KCNMA1: variants seen among roughly 807,000 people sequenced by gnomAD.
KCNMA1 encodes potassium calcium-activated channel subfamily M alpha 1.
In KCNMA1, 29 loss-of-function variants were observed where a neutral mutation model predicts 140.0. The ratio of observed to expected loss-of-function variants is 0.21; its 90% CI spans 0.15 to 0.28. KCNMA1 has a LOEUF of 0.28. KCNMA1 is among the 10% of genes least tolerant of loss of function. The pLI, the probability that KCNMA1 is intolerant of heterozygous loss-of-function variation, is 1.00. For synonymous variants in KCNMA1, 612 were observed against 611.9 expected (o/e 1.00, Z 0.00); for missense variants, 880 against 1,602.2 (o/e 0.55, Z 7.70).
downstream of KCNMA1, among the ~76,000 whole-genome samples, chr10:76,880,000 T>A (rs1006567623): frequency 6.6e-6 from 1 of 152,164 alleles, no homozygotes; most frequent in Non-Finnish European, 1.5e-5. Flanking sequence ...GTTTTGGCCA[T>A]GCTGTTATGC....
chr10:77,336,463 G>GA (rs879919734), intron 2 of KCNMA1, among the ~76,000 whole-genome samples: 133 of 143,850 alleles, frequency 9.2e-4, no homozygotes, highest in Middle Eastern at 3.5e-3. Context: ...TGCAAAGAAA[G>GA]AAAAAAAAAA....
chr10:76,986,516 G>T (rs1482737593), intron 19 of KCNMA1, among the ~76,000 whole-genome samples: 1 of 152,198 alleles, frequency 6.6e-6, no homozygotes, highest in East Asian at 1.9e-4. Flanking sequence ...GAGAGACAGG[G>T]TTTCCAGGAG....
chr10:77,319,873 T>A (rs958148859), intron 2 of KCNMA1, among the ~76,000 whole-genome samples: 2 of 152,216 alleles, frequency 1.3e-5, no homozygotes, highest in South Asian at 4.1e-4. Flanking sequence ...ATGACTGATA[T>A]ATACTGTATT....
intron 23 of KCNMA1, among the ~76,000 whole-genome samples, chr10:76,943,665 G>A (rs1464377565): frequency 6.6e-6 from 1 of 152,150 alleles, no homozygotes; most frequent in East Asian, 1.9e-4. Context: ...GCTGACTCTA[G>A]CCCAGAGCCA....
downstream of KCNMA1, chr10:76,874,852 G>A (rs958700829): frequency 1.3e-5 from 2 of 152,168 alleles, no homozygotes; most frequent in African/African-American, 2.4e-5. Context: ...AAGGAGAAAG[G>A]TTATGATGGT....
intron 5 of KCNMA1, among the ~76,000 whole-genome samples, chr10:77,171,392 TGTGTGTGC>T (rs71751356): frequency 0.083 from 9,175 of 110,928 alleles, 340 homozygotes; most frequent in Middle Eastern, 0.15. Flanking sequence ...TGTGCGTGTG[TGTGTGTGC>T]GTGTGTGTGT....
chr10:76,923,171 C>A (rs2056496076), intron 23 of KCNMA1, among the ~76,000 whole-genome samples: 1 of 152,180 alleles, frequency 6.6e-6, no homozygotes, highest in Non-Finnish European at 1.5e-5. Flanking sequence ...CAAAACTTCT[C>A]TATAGTTATT....
chr10:77,154,869 G>A (rs2098464897), intron 5 of KCNMA1, among the ~76,000 whole-genome samples: 5 of 152,240 alleles, frequency 3.3e-5, no homozygotes, highest in Admixed American at 3.3e-4. Flanking sequence ...GCAAATGCTT[G>A]TATAAATTGC....
chr10:76,934,957 A>C (rs1204148108), intron 23 of KCNMA1, among the ~76,000 whole-genome samples: 1 of 152,214 alleles, frequency 6.6e-6, no homozygotes, highest in African/African-American at 2.4e-5. Flanking sequence ...AGTAACAGCT[A>C]GGTCTCAAAT....
chr10:77,000,747 C>T (rs923854762), intron 19 of KCNMA1, among the ~76,000 whole-genome samples: 1 of 151,326 alleles, frequency 6.6e-6, no homozygotes, highest in African/African-American at 2.4e-5. Context: ...GCTCTGTAAT[C>T]CACTAGCCCA....
intron 1 of KCNMA1, among the ~76,000 whole-genome samples, chr10:77,487,526 A>G (rs1396932626): frequency 6.6e-6 from 1 of 152,184 alleles, no homozygotes; most frequent in Non-Finnish European, 1.5e-5. Context: ...AACACTGCAC[A>G]TTCCCCTTAC....
chr10:77,157,978 A>G (rs1256698617), intron 5 of KCNMA1, among the ~76,000 whole-genome samples: 3 of 152,182 alleles, frequency 2.0e-5, no homozygotes, highest in African/African-American at 7.2e-5. Flanking sequence ...CAGGGAGGGA[A>G]GTAGCAAAGA....
chr10:77,058,403 C>T (rs761330784), intron 14 of KCNMA1, among the ~76,000 whole-genome samples: 5 of 151,926 alleles, frequency 3.3e-5, no homozygotes, highest in Non-Finnish European at 4.4e-5. Context: ...CACCATTAGC[C>T]GACTAGTAAT....
At chr10:76,914,151 G>C in intron 24 of KCNMA1, 1 of 1,539,824 alleles carries the variant, frequency 6.5e-7, no homozygotes, top group Non-Finnish European at 8.8e-7. Context: ...ATTGGATACA[G>C]CATTTAAGGG....
intron 3 of KCNMA1, among the ~76,000 whole-genome samples, chr10:77,196,327 CT>C (rs2040465560): frequency 6.6e-6 from 1 of 152,112 alleles, no homozygotes; most frequent in South Asian, 2.1e-4. Context: ...GGTCTCTGTA[CT>C]GAAGAATCTC....
chr10:76,951,305 G>A (rs2066179006), intron 21 of KCNMA1, among the ~76,000 whole-genome samples: 1 of 152,096 alleles, frequency 6.6e-6, no homozygotes, highest in South Asian at 2.1e-4. Context: ...GTCTGATTTT[G>A]CCGGGTTTAA....
At chr10:77,029,236 T>C (rs1375373414) in intron 15 of KCNMA1, among the ~76,000 whole-genome samples, 1 of 152,230 alleles carries the variant, frequency 6.6e-6, no homozygotes, top group Non-Finnish European at 1.5e-5. Flanking sequence ...CCATTTTGAA[T>C]AATAGAATAT....
chr10:77,555,858 T>TTGTATTTTGGGGCC (rs113332698), intron 1 of KCNMA1, among the ~76,000 whole-genome samples: 160 of 152,106 alleles, frequency 1.1e-3, no homozygotes, highest in Non-Finnish European at 1.3e-3. Flanking sequence ...GAAATCTTGT[T>TTGTATTTTGGGGCC]TCTGGTTCTG....
intron 1 of KCNMA1, among the ~76,000 whole-genome samples, chr10:77,502,573 A>C (rs181514028): frequency 6.6e-6 from 1 of 152,260 alleles, no homozygotes; most frequent in Admixed American, 6.5e-5. Context: ...CTGATTTGGA[A>C]GGAGAAAGAA....
Sources: gnomAD v4.1 joint callset for allele counts (sites outside exome capture counted in the v4.1 genomes callset) on GRCh38, gnomAD v4.1.1 for gene constraint, MANE v1.5 for transcripts, NCBI Gene and HGNC (gene_info 2026-07-23, HGNC 2026-07-21) for gene names.